NBEA: variants seen among roughly 807,000 people sequenced by gnomAD.
NBEA encodes lysosomal-trafficking regulator 2.
Under a neutral mutation model 343.4 loss-of-function variants are expected in NBEA, and 44 were observed. The observed-to-expected ratio is 0.13, with a 90% CI of 0.10 to 0.16. The LOEUF (loss-of-function observed/expected upper bound fraction) is 0.16, where lower values mean the gene tolerates loss of function less well. Among genes scored for constraint, NBEA ranks in the 10% least tolerant of loss-of-function variants. The pLI is 1.00. For missense variants in NBEA, 2,555 were observed against 3,631.3 expected, an observed-to-expected ratio of 0.70 and a Z score of 7.62; for synonymous variants, 1,175 against 1,238.7, an observed-to-expected ratio of 0.95 and a Z score of 1.08.
intron 38 of NBEA, among the ~76,000 whole-genome samples, chr13:35,383,571 A>G (rs1315500698): frequency 3.3e-5 from 5 of 152,124 alleles, no homozygotes; most frequent in East Asian, 1.9e-4. Flanking sequence ...AAGAAAAGCA[A>G]TGAGAGACCA....
At chr13:35,491,323 C>T (rs2076491536) in intron 41 of NBEA, among the ~76,000 whole-genome samples, 1 of 151,860 alleles carries the variant, frequency 6.6e-6, no homozygotes, top group African/African-American at 2.4e-5. Context: ...ATGTTCTATA[C>T]ATTGATCACT....
chr13:34,966,851 A>C (rs1566100359), intron 1 of NBEA, among the ~76,000 whole-genome samples: 1 of 151,778 alleles, frequency 6.6e-6, no homozygotes, highest in African/African-American at 2.4e-5. Context: ...TCCACAGATG[A>C]GGTTTGCATA....
At chr13:35,473,161 AT>A (rs960190416) in intron 41 of NBEA, among the ~76,000 whole-genome samples, 1 of 152,176 alleles carries the variant, frequency 6.6e-6, no homozygotes, top group African/African-American at 2.4e-5. Context: ...TTAAATGCAT[AT>A]TTATTAAATG....
At chr13:35,231,166 T>C (rs1177189434) in intron 33 of NBEA, among the ~76,000 whole-genome samples, 4 of 152,134 alleles carry the variant, frequency 2.6e-5, no homozygotes, top group African/African-American at 9.7e-5. Flanking sequence ...TCTAGAGCTG[T>C]TGACACGGGT....
chr13:35,066,687 A>C (rs1301294862), intron 8 of NBEA, among the ~76,000 whole-genome samples: 3 of 151,886 alleles, frequency 2.0e-5, no homozygotes, highest in Non-Finnish European at 4.4e-5. Context: ...TATTCTATAA[A>C]CAGTATGTTA....
chr13:35,646,708 C>G (rs564009184), intron 51 of NBEA, among the ~76,000 whole-genome samples: 100 of 152,184 alleles, frequency 6.6e-4, no homozygotes, highest in African/African-American at 2.0e-3. Context: ...ATGATATTGC[C>G]AAATTTCGTG....
At chr13:35,030,111 A>G (rs2062152913) in intron 1 of NBEA, among the ~76,000 whole-genome samples, 1 of 151,712 alleles carries the variant, frequency 6.6e-6, no homozygotes, top group Non-Finnish European at 1.5e-5. Flanking sequence ...TTCGAAGAAC[A>G]GATTTTTAGT....
At chr13:35,058,972 T>G (rs2063365245) in intron 8 of NBEA, 109 bp downstream of exon 8, 1 of 931,550 alleles carries the variant, frequency 1.1e-6, no homozygotes, top group African/African-American at 1.7e-5. Context: ...GTCATTTCTA[T>G]TTTTTGGAAT....
At chr13:35,013,203 G>A (rs2061542784) in intron 1 of NBEA, among the ~76,000 whole-genome samples, 1 of 152,074 alleles carries the variant, frequency 6.6e-6, no homozygotes, top group African/African-American at 2.4e-5. Flanking sequence ...TGGTCAACAA[G>A]ACCAATGTGG....
chr13:35,190,060 A>T (rs900872922), intron 30 of NBEA, among the ~76,000 whole-genome samples: 15 of 149,042 alleles, frequency 1.0e-4, no homozygotes, highest in African/African-American at 3.6e-4. Flanking sequence ...TTAGGTTTAG[A>T]ATTTCTTAGA....
intron 16 of NBEA, among the ~76,000 whole-genome samples, chr13:35,121,481 G>A (rs2152674137): frequency 6.7e-6 from 1 of 150,364 alleles, no homozygotes; most frequent in Non-Finnish European, 1.5e-5. Context: ...TTTCTTGAAT[G>A]TGTTTTTTTT....
chr13:35,195,747 C>A, intron 30 of NBEA, 117 bp from the exon 31 acceptor site: 2 of 890,862 alleles, frequency 2.2e-6, no homozygotes, highest in Non-Finnish European at 3.3e-6. Context: ...ATCCGTTTAG[C>A]AATTTTTTGT....
Position 35,082,070 on chromosome 13 carries a change from C to T in NBEA, c.1571+11218C>T, listed in dbSNP as rs540595788. ...CTCCTAATGCTATCCCTCCCCACTT[C>T]CCCACCCCACAACAGGCCCCAGTGT... is the stretch of plus-strand genomic sequence containing the variant. On this transcript the variant is annotated intron_variant, in intron 10 of 58. Coordinates refer to ENST00000379939, the MANE Select transcript of NBEA (RefSeq NM_001385012.1). Among the ~76,000 whole-genome samples, 6 of 152,062 alleles carry T rather than the reference C, an allele frequency of 3.9e-5. No individual in the cohort carries two copies. The South Asian group carries it at 1.2e-3, about 32-fold the overall frequency.
chr13:35,317,604 A>G (rs537046202), intron 36 of NBEA, among the ~76,000 whole-genome samples: 16 of 152,286 alleles, frequency 1.1e-4, no homozygotes, highest in Middle Eastern at 3.4e-3. Context: ...TTTTGGTTCC[A>G]TATTAAATTG....
At chr13:35,600,752 C>T (rs2082009504) in intron 47 of NBEA, among the ~76,000 whole-genome samples, 1 of 152,114 alleles carries the variant, frequency 6.6e-6, no homozygotes. Context: ...TGGACTCAGA[C>T]CTGTTTGATT....
At chr13:35,511,785 T>C (rs564039524) in intron 41 of NBEA, among the ~76,000 whole-genome samples, 1 of 152,328 alleles carries the variant, frequency 6.6e-6, no homozygotes, top group African/African-American at 2.4e-5. Flanking sequence ...TTATCCCATA[T>C]CTTGTTATTT....
At chr13:35,023,505 C>A (rs1205858203) in intron 1 of NBEA, among the ~76,000 whole-genome samples, 2 of 151,910 alleles carry the variant, frequency 1.3e-5, no homozygotes, top group Non-Finnish European at 2.9e-5. Flanking sequence ...AGTATGCGAT[C>A]ATAGAGGAGG....
chr13:35,122,767 A>G (rs1320655261), intron 16 of NBEA, among the ~76,000 whole-genome samples: 16 of 152,214 alleles, frequency 1.1e-4, no homozygotes, highest in Non-Finnish European at 1.2e-4. Flanking sequence ...CTGTTAGGAA[A>G]CAAGTTTGCT....
At chr13:35,447,617 A>AT (rs2046115443) in intron 39 of NBEA, among the ~76,000 whole-genome samples, 1 of 151,958 alleles carries the variant, frequency 6.6e-6, no homozygotes, top group Admixed American at 6.6e-5. Flanking sequence ...ATTCAGTGGC[A>AT]TTTTTTCTCC....
Sources: gnomAD v4.1 joint callset for allele counts (sites outside exome capture counted in the v4.1 genomes callset) on GRCh38, gnomAD v4.1.1 for gene constraint, MANE v1.5 for transcripts, NCBI Gene and HGNC (gene_info 2026-07-23, HGNC 2026-07-21) for gene names.